The following AOX1 variants were observed in gnomAD, a reference collection of about 807,000 sequenced individuals.
AOX1 encodes the protein aldehyde oxidase.
Under a neutral mutation model 169.5 loss-of-function variants are expected in AOX1, and 153 were observed. That is an observed-to-expected ratio of 0.90 (90% CI 0.79 to 1.03). The LOEUF is 1.03. Among genes scored for constraint, AOX1 ranks in the 50% least tolerant of loss-of-function variants. The pLI, the probability that AOX1 is intolerant of heterozygous loss-of-function variation, is 0.00. For synonymous variants in AOX1, 562 were observed against 581.9 expected (o/e 0.97, Z 0.49); for missense variants, 1,656 against 1,663.9 (o/e 1.00, Z 0.08).
intron 32 of AOX1, among the ~76,000 whole-genome samples, chr2:200,668,182 C>T (rs111718943): frequency 5.3e-5 from 8 of 151,434 alleles, no homozygotes; most frequent in South Asian, 4.2e-4. Context: ...CTCAGCTCAC[C>T]GCAACCTCCG....
intron 4 of AOX1, among the ~76,000 whole-genome samples, chr2:200,598,999 A>G (rs1431172646): frequency 1.3e-5 from 2 of 152,186 alleles, no homozygotes; most frequent in Non-Finnish European, 2.9e-5. Flanking sequence ...ACCTGGTCAT[A>G]CACAGGCATA....
chr2:200,616,283 T>C (rs893352677), intron 16 of AOX1, among the ~76,000 whole-genome samples: 1 of 152,222 alleles, frequency 6.6e-6, no homozygotes, highest in African/African-American at 2.4e-5. Context: ...AATGTTGATT[T>C]GGGTCTTAAA....
intron 26 of AOX1, among the ~76,000 whole-genome samples, chr2:200,654,603 G>C (rs2035646407): frequency 6.6e-6 from 1 of 152,194 alleles, no homozygotes; most frequent in Non-Finnish European, 1.5e-5. Flanking sequence ...ACCAACCTCT[G>C]TGTGTCCAAT....
chr2:200,669,477 T>G, intron 33 of AOX1, 98 bp from the exon 34 acceptor site: 1 of 1,316,832 alleles, frequency 7.6e-7, no homozygotes, highest in Non-Finnish European at 1.1e-6. Flanking sequence ...ACATATGTAG[T>G]ACGTAATATT....
In AOX1 at chr2:200,593,207, T is replaced by C. The variant is rs764349293; in HGVS notation, c.103+4T>C. The C allele has an allele frequency of 6.2e-7, 1 of 1,612,688 alleles. No individual in the cohort carries two copies. The highest frequency in any genetic ancestry group is 2.2e-5 in the East Asian group (1 of 44,848). On this transcript the variant is annotated splice_donor_region_variant and intron_variant, in intron 2 of 34. Transcript: ENST00000374700. ...TTGCCTTATTTGAGGAAGAAGCGTA[T>C]CCTTTTCTTTACTTTGACTGTGTAT...
At position 200,627,410 on chromosome 2, in the gene AOX1, G is replaced by A. The variant is rs1185440038; in HGVS notation, c.2182G>A (p.Val728Ile). The A allele has an allele frequency of 6.2e-7, 1 of 1,613,946 alleles. No homozygotes were observed. Among genetic ancestry groups the A allele is most frequent in the Non-Finnish European group, 8.5e-7 (1 of 1,179,838 alleles). The change falls in exon 20 of 35, where the codon GTT becomes ATT. Residue 728 changes from valine (V) to isoleucine (I), a missense_variant. Physicochemically the swap from Val to Ile is conservative, Grantham distance 29. Transcript: ENST00000374700. ...AGAAAGGAAACTGGAATATGGAAATGTTGACGAAGCATTTAAAGTGGTTGA... is the reference window on the plus strand; with the variant it reads ...AGAAAGGAAACTGGAATATGGAAATATTGACGAAGCATTTAAAGTGGTTGA... ...KPERKLEYGN[V>I]DEAFKVVDQI...
chr2:200,661,528 A>T (rs763337001), intron 29 of AOX1, 51 bp from the exon 30 acceptor site: 2 of 1,448,556 alleles, frequency 1.4e-6, no homozygotes, highest in South Asian at 2.3e-5. Flanking sequence ...GTCTTGAGTG[A>T]TTCTTTCTTT....
intron 31 of AOX1, 25 bp from the exon 32 acceptor site, chr2:200,666,662 C>T (rs767985237): frequency 1.5e-5 from 24 of 1,554,050 alleles, no homozygotes; most frequent in Non-Finnish European, 2.0e-5. Context: ...TTAAAATAAA[C>T]ATTTTAACTT....
rs949331691 is a variant in AOX1, at chr2:200,600,373, C to T, written c.436+627C>T. 3.9e-5 allele frequency among the ~76,000 whole-genome samples: 6 copies of T among 152,154 alleles called. No individual in the cohort carries two copies. The East Asian group carries it at 5.8e-4, about 15-fold the overall frequency. ...GGCTGCGATGGTTACAGCATAAAGTCAGAGACTGAGATCTTATGGTGAAAC... is the reference window on the plus strand; with the variant it reads ...GGCTGCGATGGTTACAGCATAAAGTTAGAGACTGAGATCTTATGGTGAAAC... On this transcript the variant is annotated intron_variant, in intron 5 of 34. Transcript: ENST00000374700.
intron 20 of AOX1, among the ~76,000 whole-genome samples, chr2:200,632,476 C>A (rs1381955873): frequency 6.6e-6 from 1 of 151,778 alleles, no homozygotes; most frequent in Non-Finnish European, 1.5e-5. Context: ...TTTATTTATT[C>A]TACATACATT....
intron 12 of AOX1, 39 bp from the exon 13 acceptor site, chr2:200,611,345 C>A: frequency 7.0e-7 from 1 of 1,436,492 alleles, no homozygotes; most frequent in Non-Finnish European, 9.8e-7. Context: ...ATTTAACAGA[C>A]CAAACAGATC....
At chr2:200,606,517 A>G (rs2034516972) in intron 10 of AOX1, among the ~76,000 whole-genome samples, 1 of 152,182 alleles carries the variant, frequency 6.6e-6, no homozygotes, top group Admixed American at 6.5e-5. Flanking sequence ...AATTCTGTGA[A>G]GAAAGTCAAT....
chr2:200,587,745 A>G (rs932622576), intron 1 of AOX1, among the ~76,000 whole-genome samples: 3 of 152,196 alleles, frequency 2.0e-5, no homozygotes, highest in Non-Finnish European at 2.9e-5. Context: ...CTTCTTTTGC[A>G]TAATAGAATG....
intron 27 of AOX1, among the ~76,000 whole-genome samples, chr2:200,657,608 T>C (rs1404098234): frequency 6.6e-6 from 1 of 152,148 alleles, no homozygotes; most frequent in African/African-American, 2.4e-5. Context: ...ATGTGTAAAT[T>C]CTGATGTATT....
In AOX1 at chr2:200,657,190, A is replaced by ATTTTTTTTTTTTTT. The variant is rs5837752; in HGVS notation, c.3171+255_3171+268dup. 7.6e-4 allele frequency among the ~76,000 whole-genome samples: 48 copies of ATTTTTTTTTTTTTT among 62,872 alleles called. 1 individual carries two copies. The highest frequency in any genetic ancestry group is 3.8e-3 in the African/African-American group (48 of 12,632). 41.2% of individuals were successfully genotyped at this position (62,872 alleles called of 152,430 possible). Reference sequence around the variant, plus strand: ...AATATATATATATATATATATATATATTTTTTTTTTTTTTTAATTAGCAGG... The same window carrying ATTTTTTTTTTTTTT: ...AATATATATATATATATATATATATATTTTTTTTTTTTTTTTTTTTTTTTTTTTTAATTAGCAGG... On this transcript the variant is annotated intron_variant, in intron 27 of 34. Coordinates refer to ENST00000374700, the MANE Select transcript of AOX1 (RefSeq NM_001159.4).
intron 29 of AOX1, among the ~76,000 whole-genome samples, 170 bp downstream of exon 29, chr2:200,660,239 A>G (rs1362442970): frequency 6.6e-6 from 1 of 152,248 alleles, no homozygotes. Context: ...AAATCCTATC[A>G]CAGTGTGGTG....
At chr2:200,586,420 CT>C (rs1355792154) in intron 1 of AOX1, among the ~76,000 whole-genome samples, 1 of 152,214 alleles carries the variant, frequency 6.6e-6, no homozygotes, top group Non-Finnish European at 1.5e-5. Flanking sequence ...GGCTCACAAG[CT>C]GATTTCCAAC....
At chr2:200,612,475 A>G in intron 13 of AOX1, 134 bp from the exon 14 acceptor site, 12 of 798,118 alleles carry the variant, frequency 1.5e-5, no homozygotes, top group Middle Eastern at 3.9e-4. Flanking sequence ...ACACACACAC[A>G]CTACCTGGTG....
In AOX1 at chr2:200,669,641, G is replaced by A. The variant is rs2035990255; in HGVS notation, c.3865G>A (p.Ala1289Thr). The change falls in exon 34 of 35, where the codon GCA becomes ACA. Residue 1289 changes from alanine (A) to threonine (T), a missense_variant. Ala to Thr is a moderately conservative substitution (Grantham distance 58). Coordinates refer to ENST00000374700, the MANE Select transcript of AOX1 (RefSeq NM_001159.4). ...VFFAIHDAVS[A>T]ARQERGLHGP... ...TTTCGCTATCCATGACGCAGTGAGT[G>A]CAGCACGACAGGAGAGAGGCCTGCA... The A allele has an allele frequency of 6.2e-7, 1 of 1,613,998 alleles. No individual in the cohort carries two copies. The highest frequency in any genetic ancestry group is 8.5e-7 in the Non-Finnish European group (1 of 1,180,014).
Sources: allele counts gnomAD v4.1 joint callset (sites outside exome capture counted in the v4.1 genomes callset), GRCh38; gene constraint gnomAD v4.1.1; transcripts MANE v1.5; gene names NCBI Gene and HGNC (gene_info 2026-07-23, HGNC 2026-07-21).